The following ZSCAN26 variants were observed in gnomAD, a reference collection of about 807,000 sequenced individuals.
ZSCAN26 encodes zinc finger and SCAN domain containing 26.
A neutral mutation model predicts 23.0 loss-of-function variants in ZSCAN26; 26 were observed. The observed-to-expected ratio is 1.13, with a 90% CI of 0.83 to 1.57. ZSCAN26 has a LOEUF of 1.57. Ranked by LOEUF, ZSCAN26 falls within the 40% of genes most tolerant of loss-of-function variation. The probability of loss-of-function intolerance (pLI) is 0.00; values close to 1 mark genes in which losing one functional copy is unlikely to be tolerated. For missense variants in ZSCAN26, 528 were observed against 568.5 expected (o/e 0.93, Z 0.72); for synonymous variants, 180 against 202.5 (o/e 0.89, Z 0.94).
intron 1 of ZSCAN26, among the ~76,000 whole-genome samples, chr6:28,270,347 C>T (rs1202923384): frequency 1.3e-5 from 2 of 152,184 alleles, no homozygotes; most frequent in Non-Finnish European, 2.9e-5. Context: ...CTCCCACTTA[C>T]CGCATGCACA....
chr6:28,272,819 G>C, intron 3 of ZSCAN26, 32 bp downstream of exon 3: 1 of 1,561,154 alleles, frequency 6.4e-7, no homozygotes, highest in Non-Finnish European at 8.8e-7. Context: ...CTGTGTGTGA[G>C]ACGTGGTGGA....
In ZSCAN26 at chr6:28,276,792, C is replaced by A; in HGVS notation, c.1136C>A (p.Ala379Asp). Residue 379 changes from alanine to aspartate, a missense_variant, in exon 4 of 4, where the codon GCC becomes GAC. Ala to Asp is a moderately radical substitution (Grantham distance 126). Transcript: ENST00000421553. ...CKECGKTFSQ[A>D]LLLTHHQRIH... Reference sequence around the variant, plus strand: ...GAGTGTGGAAAAACCTTTAGTCAGGCCTTACTCCTCACCCACCATCAGAGA... The same window carrying A: ...GAGTGTGGAAAAACCTTTAGTCAGGACTTACTCCTCACCCACCATCAGAGA... 1 of 1,613,930 alleles carries A rather than the reference C, an allele frequency of 6.2e-7. No homozygotes were observed. The highest frequency in any genetic ancestry group is 8.5e-7 in the Non-Finnish European group (1 of 1,179,872).
Position 28,276,500 on chromosome 6 carries a change from G to C in ZSCAN26, c.844G>C (p.Gly282Arg). 6.2e-7 allele frequency: 1 copy of C among 1,613,908 alleles called. No homozygotes were observed. Among genetic ancestry groups the C allele is most frequent in the Non-Finnish European group, 8.5e-7 (1 of 1,179,848 alleles). ...GHKKVLSREK[G>R]HQCHECGKAF... The stretch of plus-strand genomic sequence containing the variant: ...TAAGAAAGTCCTCTCTAGAGAGAAA[G>C]GTCATCAGTGTCATGAGTGTGGGAA... Residue 282 changes from glycine to arginine, a missense_variant, in exon 4 of 4, where the codon GGT (glycine) becomes CGT (arginine). Transcript: ENST00000421553.
At position 28,276,695 on chromosome 6, in the gene ZSCAN26, A is replaced by C; in HGVS notation, c.1039A>C (p.Asn347His). ...TTATCTATGTATCCATTGTGGAAAA[A>C]ATTTTAGGCGCAGCTCTCACCTTAA... ...KPYLCIHCGK[N>H]FRRSSHLNRH... The change falls in exon 4 of 4, where the codon AAT (asparagine) becomes CAT (histidine). Residue 347 changes from asparagine to histidine, a missense_variant. Transcript: ENST00000421553. 1 of 1,612,548 alleles carries C rather than the reference A, an allele frequency of 6.2e-7. No homozygotes were observed. The highest frequency in any genetic ancestry group is 8.5e-7 in the Non-Finnish European group (1 of 1,179,194).
chr6:28,274,287 A>G (rs181696556), intron 3 of ZSCAN26, among the ~76,000 whole-genome samples: 9 of 152,194 alleles, frequency 5.9e-5, no homozygotes, highest in Middle Eastern at 3.4e-3. Flanking sequence ...TTTACATGCT[A>G]CCTATTCCTC....
intron 1 of ZSCAN26, among the ~76,000 whole-genome samples, chr6:28,271,167 T>G (rs1761664998): frequency 6.6e-6 from 1 of 152,282 alleles, no homozygotes; most frequent in African/African-American, 2.4e-5. Flanking sequence ...ATTGTCTTTT[T>G]TCTCCTCCTA....
At chr6:28,274,573 T>G (rs953396347) in intron 3 of ZSCAN26, among the ~76,000 whole-genome samples, 3 of 152,150 alleles carry the variant, frequency 2.0e-5, no homozygotes, top group African/African-American at 7.2e-5. Flanking sequence ...AACCCTGTCC[T>G]CTACAAAAAA....
At chr6:28,270,059 T>G (rs941135652) in intron 1 of ZSCAN26, among the ~76,000 whole-genome samples, 2 of 152,178 alleles carry the variant, frequency 1.3e-5, no homozygotes, top group African/African-American at 2.4e-5. Flanking sequence ...TTCTCCTGCC[T>G]TAGCCTCCCG....
Position 28,273,335 on chromosome 6 carries a change from A to G in ZSCAN26, c.538+548A>G, listed in dbSNP as rs192776954. ...AGGTGGGTAGGTATACGAGGTCAGGAGTTCAAGACCAGCCTGGCCAAGATG... is the reference window on the plus strand; with the variant it reads ...AGGTGGGTAGGTATACGAGGTCAGGGGTTCAAGACCAGCCTGGCCAAGATG... On this transcript the variant is annotated intron_variant, in intron 3 of 3. Coordinates refer to ENST00000421553, the MANE Select transcript of ZSCAN26 (RefSeq NM_001023560.4). Among the ~76,000 whole-genome samples, 29 of 152,300 alleles carry G rather than the reference A, an allele frequency of 1.9e-4. No homozygotes were observed. In the East Asian group the frequency reaches 5.2e-3, roughly 27 times the overall value.
chr6:28,272,280 G>A lies in ZSCAN26; in HGVS notation c.361G>A (p.Asp121Asn). The A allele has an allele frequency of 6.3e-7, 1 of 1,599,148 alleles. No individual in the cohort carries two copies. Among genetic ancestry groups the A allele is most frequent in the African/African-American group, 1.3e-5 (1 of 74,666 alleles). ...VQEHHPESRE[D>N]VVVVLEDLQL... is the part of the protein sequence containing the mutation. ...GGAGCATCACCCAGAGAGCAGGGAG[G>A]ACGTGGTTGTTGTTCTGGAGGATTT... Residue 121 changes from aspartate to asparagine, a missense_variant, in exon 2 of 4, where the codon GAC becomes AAC. Transcript: ENST00000421553.
At chr6:28,270,390 A>G (rs1299786188) in intron 1 of ZSCAN26, among the ~76,000 whole-genome samples, 2 of 152,316 alleles carry the variant, frequency 1.3e-5, no homozygotes, top group South Asian at 4.1e-4. Context: ...CAGCTGACAG[A>G]TGGTGTTTCA....
In ZSCAN26 at chr6:28,276,739, CA is replaced by C. The variant is rs1561878713; in HGVS notation, c.1084del (p.Ser362ValfsTer45). 6.2e-7 allele frequency: 1 copy of C among 1,613,734 alleles called. No individual in the cohort carries two copies. Among genetic ancestry groups the C allele is most frequent in the East Asian group, 2.2e-5 (1 of 44,874 alleles). ...ACCTTAATCGACATCAGAGAATTCA[CA>C]GTCAGGAGGAGCCCTGTGAGTGCAA... ...SHLNRHQRIH[S>X]QEEPCECKEC... On this transcript the variant is annotated frameshift_variant, in exon 4 of 4. Coordinates refer to ENST00000421553, the MANE Select transcript of ZSCAN26 (RefSeq NM_001023560.4). LOFTEE classifies it low-confidence loss of function (END_TRUNC).
rs1373332765 is a variant in ZSCAN26 at position 28,272,263 on chromosome 6, A to G, written c.344A>G (p.His115Arg). 1 of 1,609,494 alleles carries G rather than the reference A, an allele frequency of 6.2e-7. No individual in the cohort carries two copies. Among genetic ancestry groups the G allele is most frequent in the South Asian group, 1.1e-5 (1 of 90,246 alleles). ...CTCCAGGCCCGGGTGCAGGAGCATCACCCAGAGAGCAGGGAGGACGTGGTT... is the reference window on the plus strand; with the variant it reads ...CTCCAGGCCCGGGTGCAGGAGCATCGCCCAGAGAGCAGGGAGGACGTGGTT... ...KELQARVQEH[H>R]PESREDVVVV... is the part of the protein sequence containing the mutation. Residue 115 changes from histidine (H) to arginine (R), a missense_variant, in exon 2 of 4, where the codon CAC becomes CGC. Coordinates refer to ENST00000421553, the MANE Select transcript of ZSCAN26 (RefSeq NM_001023560.4).
In ZSCAN26 at chr6:28,277,925, T is replaced by C. The variant is rs989048968; in HGVS notation, c.*829T>C. On this transcript the variant is annotated 3_prime_UTR_variant, in exon 4 of 4. Transcript: ENST00000421553. The stretch of plus-strand genomic sequence containing the variant: ...TCAGTAAATGTCTGATGAAAGAAAT[T>C]GGACTTTTTCCCTTTAATACTGATG... The C allele has an allele frequency of 5.3e-5, 8 of 152,212 alleles. No individual in the cohort carries two copies. The highest frequency in any genetic ancestry group is 4.6e-4 in the Admixed American group (7 of 15,288). 9.4% of individuals were successfully genotyped at this position (152,212 alleles called of 1,614,324 possible). A position where few individuals can be genotyped will look rare whatever the true frequency, so the allele number is the denominator to read the frequency against.
intron 1 of ZSCAN26, among the ~76,000 whole-genome samples, chr6:28,270,002 G>A (rs1049873081): frequency 1.3e-5 from 2 of 152,026 alleles, no homozygotes; most frequent in African/African-American, 4.8e-5. Context: ...GGAGTGCAGT[G>A]GTGTGATCTC....
At chr6:28,273,118 G>A (rs958246031) in intron 3 of ZSCAN26, among the ~76,000 whole-genome samples, 1 of 152,184 alleles carries the variant, frequency 6.6e-6, no homozygotes, top group African/African-American at 2.4e-5. Context: ...TTACTGTAGG[G>A]GTGAATAAAA....
At chr6:28,269,701 C>G (rs1233538055) in intron 1 of ZSCAN26, among the ~76,000 whole-genome samples, 10 of 152,180 alleles carry the variant, frequency 6.6e-5, no homozygotes, top group Admixed American at 6.5e-4. Context: ...TTCTCTTACT[C>G]AGGGATGAGT....
chr6:28,269,908 T>G (rs1234456462), intron 1 of ZSCAN26, among the ~76,000 whole-genome samples: 1 of 152,146 alleles, frequency 6.6e-6, no homozygotes, highest in Non-Finnish European at 1.5e-5. Flanking sequence ...CACATAAAAT[T>G]AACCATTACA....
chr6:28,268,871 G>A (rs571981006), intron 1 of ZSCAN26, among the ~76,000 whole-genome samples: 2 of 152,106 alleles, frequency 1.3e-5, no homozygotes, highest in Non-Finnish European at 2.9e-5. Flanking sequence ...CCAGCACTTC[G>A]GGAGGCTGAG....
Sources: allele counts gnomAD v4.1 joint callset (sites outside exome capture counted in the v4.1 genomes callset), GRCh38; gene constraint gnomAD v4.1.1; transcripts MANE v1.5; gene names NCBI Gene and HGNC (gene_info 2026-07-23, HGNC 2026-07-21).